GRID2: variants seen among roughly 807,000 people sequenced by gnomAD.
GRID2 encodes glutamate ionotropic receptor delta type subunit 2.
GRID2 carries 33 observed loss-of-function variants against 114.8 expected under a neutral mutation model. The ratio of observed to expected loss-of-function variants is 0.29; its 90% CI spans 0.22 to 0.38. The LOEUF is 0.38. Among genes scored for constraint, GRID2 ranks in the 10% least tolerant of loss-of-function variants. The pLI is 1.00. For missense variants in GRID2, 1,184 were observed against 1,257.7 expected (o/e 0.94, Z 0.89); for synonymous variants, 505 against 449.9 (o/e 1.12, Z -1.55).
intron 13 of GRID2, among the ~76,000 whole-genome samples, chr4:93,542,305 T>G (rs544070264): frequency 6.6e-6 from 1 of 152,272 alleles, no homozygotes; most frequent in Non-Finnish European, 1.5e-5. Flanking sequence ...ACCCAGCCTT[T>G]GATGACTTGC....
At chr4:92,795,246 C>A (rs915424975) in intron 2 of GRID2, among the ~76,000 whole-genome samples, 2 of 151,660 alleles carry the variant, frequency 1.3e-5, no homozygotes, top group Non-Finnish European at 2.9e-5. Context: ...TAGGAGGGAC[C>A]CAGTGGGAGG....
rs139583285 is a variant in GRID2, at chr4:92,496,414, G to A, written c.89-93717G>A. Among the ~76,000 whole-genome samples, 240 of 151,870 alleles carry A rather than the reference G, an allele frequency of 1.6e-3. 1 individual carries two copies. Among genetic ancestry groups the A allele is most frequent in the African/African-American group, 5.6e-3 (233 of 41,504 alleles). On this transcript the variant is annotated intron_variant, in intron 1 of 15. Coordinates refer to ENST00000282020, the MANE Select transcript of GRID2 (RefSeq NM_001510.4). The stretch of plus-strand genomic sequence containing the variant: ...TCTTGTATAAATGAGCAGTAAAGAA[G>A]GTCTGAGTGAAGATTTAGCAGAACT...
At chr4:93,715,557 C>T (rs1248331202) in intron 14 of GRID2, among the ~76,000 whole-genome samples, 1 of 152,168 alleles carries the variant, frequency 6.6e-6, no homozygotes, top group Admixed American at 6.5e-5. Context: ...TTCTTCCTAT[C>T]CATAAGCATG....
Position 93,498,125 on chromosome 4 carries a change from T to C in GRID2, c.1997+7348T>C, listed in dbSNP as rs76489798. 1.3e-3 allele frequency among the ~76,000 whole-genome samples: 203 copies of C among 152,010 alleles called. 1 individual carries two copies. In the East Asian group the frequency reaches 0.029, roughly 22 times the overall value. On this transcript the variant is annotated intron_variant, in intron 12 of 15. Transcript: ENST00000282020. ...ATCCATTTGTGCTGCTATAACAAAA[T>C]ACCTAGGTCTGAGTAATTTATAAAG... is the stretch of plus-strand genomic sequence containing the variant.
At chr4:93,393,269 CA>C (rs1367194295) in intron 8 of GRID2, among the ~76,000 whole-genome samples, 2 of 151,662 alleles carry the variant, frequency 1.3e-5, no homozygotes, top group East Asian at 3.9e-4. Context: ...TGGAACTTAC[CA>C]ATCCTAAAAT....
At chr4:92,646,258 G>A (rs1284854876) in intron 2 of GRID2, among the ~76,000 whole-genome samples, 1 of 152,170 alleles carries the variant, frequency 6.6e-6, no homozygotes, top group Non-Finnish European at 1.5e-5. Context: ...GCCTGTTAAA[G>A]TCTTTAGCCC....
At chr4:93,594,147 C>T (rs529444338) in intron 13 of GRID2, among the ~76,000 whole-genome samples, 1 of 152,234 alleles carries the variant, frequency 6.6e-6, no homozygotes, top group African/African-American at 2.4e-5. Context: ...TTTAGAGTTT[C>T]CAGTTTTTCT....
At chr4:93,517,374 G>A (rs1311809401) in intron 13 of GRID2, among the ~76,000 whole-genome samples, 1 of 152,070 alleles carries the variant, frequency 6.6e-6, no homozygotes, top group Non-Finnish European at 1.5e-5. Flanking sequence ...GAGGGCTAAT[G>A]AGTTCGAAAC....
chr4:93,524,785 G>GTA lies in GRID2; in HGVS notation c.2193+9402_2193+9403dup, dbSNP rs772724087. Among the ~76,000 whole-genome samples, 201 of 87,374 alleles carry GTA rather than the reference G, an allele frequency of 2.3e-3. 2 individuals are homozygous for GTA. The highest frequency in any genetic ancestry group is 5.7e-3 in the East Asian group (16 of 2,800). The allele number at this position is 87,374 out of a possible 152,430, so 57.3% of individuals were successfully genotyped here. ...CAAGAAAAAATATATGTATGTATGT[G>GTA]TATATATATATATATATATATATAT... On this transcript the variant is annotated intron_variant, in intron 13 of 15. Coordinates refer to ENST00000282020, the MANE Select transcript of GRID2 (RefSeq NM_001510.4).
chr4:92,741,120 C>T (rs2149331733), intron 2 of GRID2, among the ~76,000 whole-genome samples: 1 of 152,158 alleles, frequency 6.6e-6, no homozygotes. Flanking sequence ...GGTTAGGACA[C>T]CTAAGTTCAA....
At chr4:92,531,425 A>G (rs1410227665) in intron 1 of GRID2, among the ~76,000 whole-genome samples, 3 of 152,166 alleles carry the variant, frequency 2.0e-5, no homozygotes, top group Non-Finnish European at 4.4e-5. Flanking sequence ...ACCAACAAAC[A>G]AAACATGGAG....
chr4:93,660,313 A>G (rs913559594), intron 14 of GRID2, among the ~76,000 whole-genome samples: 1 of 152,192 alleles, frequency 6.6e-6, no homozygotes, highest in Non-Finnish European at 1.5e-5. Flanking sequence ...TATTATTTTG[A>G]TATGCCAGCA....
At chr4:92,845,021 C>G (rs1231331409) in intron 2 of GRID2, among the ~76,000 whole-genome samples, 1 of 151,992 alleles carries the variant, frequency 6.6e-6, no homozygotes, top group African/African-American at 2.4e-5. Context: ...ATTAAAGCAC[C>G]AATAGTTTTA....
At chr4:93,691,376 A>G (rs1187065229) in intron 14 of GRID2, among the ~76,000 whole-genome samples, 1 of 152,046 alleles carries the variant, frequency 6.6e-6, no homozygotes, top group Non-Finnish European at 1.5e-5. Flanking sequence ...AGGTCTAGAC[A>G]CAGAAGTTAA....
At chr4:93,514,880 T>C (rs555269422) in intron 12 of GRID2, among the ~76,000 whole-genome samples, 30 of 152,326 alleles carry the variant, frequency 2.0e-4, no homozygotes, top group Middle Eastern at 3.4e-3. Context: ...TAAATTAGCA[T>C]GTGATTATCT....
chr4:92,553,274 T>C (rs989534670), intron 1 of GRID2, among the ~76,000 whole-genome samples: 4 of 151,930 alleles, frequency 2.6e-5, no homozygotes, highest in Admixed American at 1.3e-4. Context: ...TTATATGAAA[T>C]TTTTATAATG....
At chr4:92,510,256 G>T (rs1480549878) in intron 1 of GRID2, among the ~76,000 whole-genome samples, 6 of 151,856 alleles carry the variant, frequency 4.0e-5, no homozygotes, top group African/African-American at 1.4e-4. Flanking sequence ...TAAGGTTTTG[G>T]ATCTGAACCA....
intron 2 of GRID2, among the ~76,000 whole-genome samples, chr4:92,713,211 A>T (rs1009025639): frequency 6.6e-6 from 1 of 150,470 alleles, no homozygotes; most frequent in African/African-American, 2.4e-5. Context: ...CAATGACTTG[A>T]CTTTTTCTAA....
chr4:92,881,810 A>G (rs1746040979), intron 2 of GRID2, among the ~76,000 whole-genome samples: 1 of 152,204 alleles, frequency 6.6e-6, no homozygotes, highest in Admixed American at 6.5e-5. Context: ...TGTTTTATGA[A>G]ATATATGTTT....
Sources: gnomAD v4.1 joint callset for allele counts (sites outside exome capture counted in the v4.1 genomes callset) on GRCh38, gnomAD v4.1.1 for gene constraint, MANE v1.5 for transcripts, NCBI Gene and HGNC (gene_info 2026-07-23, HGNC 2026-07-21) for gene names.